EBF1: variants seen among roughly 807,000 people sequenced by gnomAD.
EBF1 encodes the protein transcription factor COE1.
In EBF1, 10 loss-of-function variants were observed where a neutral mutation model predicts 68.4. That is an observed-to-expected ratio of 0.15 (90% CI 0.09 to 0.25). The LOEUF (loss-of-function observed/expected upper bound fraction) is 0.25, where lower values mean the gene tolerates loss of function less well. Ranked by LOEUF, EBF1 falls within the 10% of genes least tolerant of loss-of-function variation. The pLI is 1.00. For synonymous variants in EBF1, 298 were observed against 299.8 expected (o/e 0.99, Z 0.06); for missense variants, 509 against 794.4 (o/e 0.64, Z 4.32).
intron 9 of EBF1, among the ~76,000 whole-genome samples, chr5:158,785,832 A>G (rs1777317060): frequency 6.6e-6 from 1 of 152,182 alleles, no homozygotes; most frequent in African/African-American, 2.4e-5. Flanking sequence ...CTCAATATAG[A>G]TATCGACATA....
rs970338037 is a variant in EBF1 at position 158,723,581 on chromosome 5, G to A, written c.1125+7488C>T. Among the ~76,000 whole-genome samples, 7 of 152,032 alleles carry A rather than the reference G, an allele frequency of 4.6e-5. 1 individual carries two copies. Among genetic ancestry groups the A allele is most frequent in the Admixed American group, 2.6e-4 (4 of 15,256 alleles). ...AGTCAATGTGTATTGCGTGCCTTGA[G>A]TGCTATGTTTGAGATATAATCCTAT... On this transcript the variant is annotated intron_variant, in intron 11 of 15. Transcript: ENST00000313708.
At chr5:159,031,290 A>T (rs1408781066) in intron 6 of EBF1, among the ~76,000 whole-genome samples, 1 of 152,252 alleles carries the variant, frequency 6.6e-6, no homozygotes, top group Non-Finnish European at 1.5e-5. Context: ...GAGGATCACC[A>T]ACTAGAAAGG....
chr5:158,703,219 C>T (rs1291467908), intron 15 of EBF1, among the ~76,000 whole-genome samples: 1 of 152,182 alleles, frequency 6.6e-6, no homozygotes, highest in Non-Finnish European at 1.5e-5. Context: ...GTTGGTGACT[C>T]AAGTCTTTGG....
chr5:158,939,773 G>A (rs1002019727), intron 6 of EBF1, among the ~76,000 whole-genome samples: 11 of 151,964 alleles, frequency 7.2e-5, no homozygotes, highest in African/African-American at 1.7e-4. Flanking sequence ...GGGAGGCTGC[G>A]AGGTAGCTCC....
chr5:158,752,234 G>A (rs1487854822), intron 10 of EBF1, among the ~76,000 whole-genome samples: 1 of 150,120 alleles, frequency 6.7e-6, no homozygotes, highest in East Asian at 2.0e-4. Context: ...AACTAGGATT[G>A]AAGTATCAAA....
chr5:159,052,409 A>G (rs2127824878), intron 6 of EBF1, among the ~76,000 whole-genome samples: 1 of 151,388 alleles, frequency 6.6e-6, no homozygotes, highest in South Asian at 2.1e-4. Context: ...CAGATTCTGT[A>G]TTAAAAGATT....
Position 158,698,781 on chromosome 5 carries a change from T to G in EBF1, c.*330A>C. On this transcript the variant is annotated 3_prime_UTR_variant, in exon 16 of 16. Coordinates refer to ENST00000313708, the MANE Select transcript of EBF1 (RefSeq NM_024007.5). The stretch of plus-strand genomic sequence containing the variant: ...ATTTATAGTGTCCCTTGTATAGAGC[T>G]TTACGGTTTATAAAAGACAAATGAT... The G allele has an allele frequency of 3.9e-6, 1 of 257,678 alleles. No individual in the cohort carries two copies. The highest frequency in any genetic ancestry group is 7.4e-6 in the Non-Finnish European group (1 of 136,022). 16.0% of individuals were successfully genotyped at this position (257,678 alleles called of 1,614,324 possible). A position where few individuals can be genotyped will look rare whatever the true frequency, so the allele number is the denominator to read the frequency against.
intron 8 of EBF1, among the ~76,000 whole-genome samples, chr5:158,798,479 C>T (rs966468490): frequency 3.9e-5 from 6 of 152,130 alleles, no homozygotes; most frequent in African/African-American, 1.4e-4. Context: ...CATCATTGCA[C>T]AAAGGGAGGT....
At chr5:158,936,964 G>A (rs1302917311) in intron 6 of EBF1, among the ~76,000 whole-genome samples, 1 of 152,052 alleles carries the variant, frequency 6.6e-6, no homozygotes, top group African/African-American at 2.4e-5. Context: ...GAGGTTAGGG[G>A]AGATCAAAGA....
Position 158,828,720 on chromosome 5 carries a change from T to C in EBF1, c.637-5403A>G, listed in dbSNP as rs142226313. On this transcript the variant is annotated intron_variant, in intron 7 of 15. Transcript: ENST00000313708. ...ATGGGATCATTCTGTATTACTTCTA[T>C]AACTGCATGTAAACCTAAAATTATG... Among the ~76,000 whole-genome samples, 960 of 152,328 alleles carry C rather than the reference T, an allele frequency of 6.3e-3. 13 individuals carry two copies. The highest frequency in any genetic ancestry group is 0.022 in the African/African-American group (921 of 41,568).
At chr5:158,911,838 A>T (rs1806047198) in intron 6 of EBF1, among the ~76,000 whole-genome samples, 1 of 152,234 alleles carries the variant, frequency 6.6e-6, no homozygotes, top group African/African-American at 2.4e-5. Flanking sequence ...CACTAACATT[A>T]GATTAGATGA....
At position 158,744,691 on chromosome 5, in the gene EBF1, A is replaced by C. The variant is rs887947109; in HGVS notation, c.1037-13534T>G. ...GCCCAATTGTAGCTTAGCTTATCATAAGAGCCATACAAGAAAGCGTGGAGG... is the reference window on the plus strand; with the variant it reads ...GCCCAATTGTAGCTTAGCTTATCATCAGAGCCATACAAGAAAGCGTGGAGG... On this transcript the variant is annotated intron_variant, in intron 10 of 15. Transcript: ENST00000313708. Among the ~76,000 whole-genome samples the C allele has an allele frequency of 6.6e-5, 10 of 152,200 alleles. No individual in the cohort carries two copies. The East Asian group carries it at 1.7e-3, about 26-fold the overall frequency.
chr5:158,946,456 T>G (rs1814737656), intron 6 of EBF1, among the ~76,000 whole-genome samples: 1 of 152,244 alleles, frequency 6.6e-6, no homozygotes, highest in South Asian at 2.1e-4. Context: ...TCTGCAGGTC[T>G]GCTGGAGTTT....
rs192647824 is a variant in EBF1 at position 158,909,409 on chromosome 5, A to T, written c.555-69299T>A. On this transcript the variant is annotated intron_variant, in intron 6 of 15. Transcript: ENST00000313708. ...AAGGGCTTATGTTTAAAAATAACCC[A>T]TGTTAACTAGAGGACCAAGAACCCT... Among the ~76,000 whole-genome samples, 8 of 152,332 alleles carry T rather than the reference A, an allele frequency of 5.3e-5. No individual in the cohort carries two copies. The South Asian group carries it at 1.0e-3, about 20-fold the overall frequency.
intron 9 of EBF1, among the ~76,000 whole-genome samples, chr5:158,779,555 A>G (rs1449238343): frequency 6.6e-6 from 1 of 152,146 alleles, no homozygotes; most frequent in African/African-American, 2.4e-5. Context: ...TTATATTTCA[A>G]ATAGAAGGTA....
intron 15 of EBF1, chr5:158,707,708 T>A: frequency 2.2e-6 from 1 of 453,762 alleles, no homozygotes; most frequent in Admixed American, 3.4e-5. Flanking sequence ...AGAAACAGTA[T>A]TCCCAAGCAA....
Position 159,044,972 on chromosome 5 carries a change from T to A in EBF1, c.554+28424A>T, listed in dbSNP as rs187109122. Reference sequence around the variant, plus strand: ...AAAGATTCAAAAGAAGGGGAAAATATTAAACAACCTTAAGACCTTACCAAA... The same window carrying A: ...AAAGATTCAAAAGAAGGGGAAAATAATAAACAACCTTAAGACCTTACCAAA... On this transcript the variant is annotated intron_variant, in intron 6 of 15. Coordinates refer to ENST00000313708, the MANE Select transcript of EBF1 (RefSeq NM_024007.5). 1.5e-3 allele frequency among the ~76,000 whole-genome samples: 222 copies of A among 152,312 alleles called. 1 individual carries two copies. The highest frequency in any genetic ancestry group is 4.9e-3 in the African/African-American group (202 of 41,570).
intron 11 of EBF1, among the ~76,000 whole-genome samples, chr5:158,724,367 G>A (rs1323084542): frequency 6.6e-6 from 1 of 152,214 alleles, no homozygotes. Context: ...GCTAGTGTCA[G>A]TGTGGAAGAT....
chr5:158,860,113 A>G (rs1794719142), intron 6 of EBF1, among the ~76,000 whole-genome samples: 1 of 152,216 alleles, frequency 6.6e-6, no homozygotes, highest in East Asian at 1.9e-4. Context: ...GCACCTACTA[A>G]TGATGCTATC....
Sources: allele counts gnomAD v4.1 joint callset (sites outside exome capture counted in the v4.1 genomes callset), GRCh38; gene constraint gnomAD v4.1.1; transcripts MANE v1.5; gene names NCBI Gene and HGNC (gene_info 2026-07-23, HGNC 2026-07-21).